CABLES2: variants seen among roughly 807,000 people sequenced by gnomAD.
The protein encoded by CABLES2 is CDK5 and ABL1 enzyme substrate 2.
In CABLES2, 35 loss-of-function variants were observed where a neutral mutation model predicts 44.8. The ratio of observed to expected loss-of-function variants is 0.78; its 90% CI spans 0.60 to 1.04. The LOEUF is 1.04. Among genes scored for constraint, CABLES2 ranks in the 50% least tolerant of loss-of-function variants. The pLI is 0.00. For missense variants in CABLES2, 566 were observed against 615.7 expected (o/e 0.92, Z 0.85); for synonymous variants, 282 against 281.1 (o/e 1.00, Z -0.03).
chr20:62,392,615 A>G (rs1987940201), intron 7 of CABLES2, 120 bp from the exon 8 acceptor site: 1 of 755,608 alleles, frequency 1.3e-6, no homozygotes, highest in Non-Finnish European at 2.3e-6. Flanking sequence ...GTGTGGCTTG[A>G]GAGGCCCCGA....
Position 62,398,331 on chromosome 20 carries a change from C to T in CABLES2, c.363-1739G>A, listed in dbSNP as rs1399384801. On this transcript the variant is annotated intron_variant, in intron 1 of 9. Transcript: ENST00000279101. ...ACGGTGGTGATGGCAGTGGTGGTGA[C>T]GATGGTGGTGATGGTGATGACGGTG... Among the ~76,000 whole-genome samples, 63 of 126,242 alleles carry T rather than the reference C, an allele frequency of 5.0e-4. 1 individual carries two copies. The highest frequency in any genetic ancestry group is 1.3e-3 in the South Asian group (5 of 3,748). 82.8% of individuals were successfully genotyped at this position (126,242 alleles called of 152,430 possible).
At chr20:62,394,602 C>T (rs1447998022) in intron 4 of CABLES2, among the ~76,000 whole-genome samples, 1 of 152,214 alleles carries the variant, frequency 6.6e-6, no homozygotes, top group African/African-American at 2.4e-5. Flanking sequence ...ATCCCCACCC[C>T]ATAGCTGTTT....
Position 62,390,819 on chromosome 20 carries a change from G to T in CABLES2, c.*152C>A. On this transcript the variant is annotated 3_prime_UTR_variant, in exon 10 of 10. Coordinates refer to ENST00000279101, the MANE Select transcript of CABLES2 (RefSeq NM_031215.3). ...CGTCTCTTTCCAAGGAAATGGCAAA[G>T]AGGCAAAAAGGAAAGCTGCACCAGC... 1.2e-6 allele frequency: 1 copy of T among 828,036 alleles called. No homozygotes were observed. Among genetic ancestry groups the T allele is most frequent in the Non-Finnish European group, 1.9e-6 (1 of 532,314 alleles). 51.3% of individuals were successfully genotyped at this position (828,036 alleles called of 1,614,324 possible).
chr20:62,398,049 G>A (rs573073640), intron 1 of CABLES2, among the ~76,000 whole-genome samples: 1,476 of 143,886 alleles, frequency 0.01, 64 homozygotes, highest in African/African-American at 0.034. Flanking sequence ...GGTGATGGTG[G>A]TGATGGCGAT....
At chr20:62,406,098 G>C (rs1988277737) in intron 1 of CABLES2, among the ~76,000 whole-genome samples, 1 of 152,146 alleles carries the variant, frequency 6.6e-6, no homozygotes, top group Non-Finnish European at 1.5e-5. Flanking sequence ...GGGTGTGACA[G>C]ACCCAAAGAT....
Position 62,391,384 on chromosome 20 carries a change from G to C in CABLES2, c.1161C>G (p.Tyr387Ter), listed in dbSNP as rs373616857. Residue 387 changes from tyrosine to a stop codon, truncating the protein, a stop_gained, in exon 9 of 10, where the codon TAC (tyrosine) becomes TAG (stop). Transcript: ENST00000279101. LOFTEE classifies it high-confidence loss of function. This position sits in a 1 kb window ranked among gnomAD's most constrained non-coding sequence, Gnocchi z 5.7. ...SLEPVTVAMA[Y>*]VYFEKLVLQG... is the part of the protein sequence containing the mutation. Reference sequence around the variant, plus strand: ...GCAGGACCAGCTTCTCAAAGTACACGTAGGCCATGGCCACCGTCACGGGCT... The same window carrying C: ...GCAGGACCAGCTTCTCAAAGTACACCTAGGCCATGGCCACCGTCACGGGCT... The C allele has an allele frequency of 6.2e-7, 1 of 1,613,334 alleles. No homozygotes were observed. Among genetic ancestry groups the C allele is most frequent in the Non-Finnish European group, 8.5e-7 (1 of 1,180,044 alleles).
At chr20:62,406,823 G>A (rs1247597348) in intron 1 of CABLES2, 92 bp downstream of exon 1, 4 of 726,552 alleles carry the variant, frequency 5.5e-6, no homozygotes, top group Non-Finnish European at 7.2e-6. Context: ...GAGGCCCCAA[G>A]TAATCCTGAC....
chr20:62,399,947 AAG>A (rs1162121556), intron 1 of CABLES2, among the ~76,000 whole-genome samples: 1 of 152,106 alleles, frequency 6.6e-6, no homozygotes, highest in Non-Finnish European at 1.5e-5. Context: ...GAAAGTGAAA[AAG>A]AACATGGTTG....
intron 1 of CABLES2, among the ~76,000 whole-genome samples, chr20:62,398,085 G>A (rs1288285856): frequency 2.5e-4 from 23 of 91,136 alleles, no homozygotes; most frequent in South Asian, 3.6e-4. Context: ...GGTGGTGGTG[G>A]TGACGGTGGT....
chr20:62,392,387 A>C lies in CABLES2; in HGVS notation c.1091+2T>G. 6.2e-7 allele frequency: 1 copy of C among 1,609,872 alleles called. No individual in the cohort carries two copies. Among genetic ancestry groups the C allele is most frequent in the South Asian group, 1.1e-5 (1 of 90,982 alleles). On this transcript the variant is annotated splice_donor_variant, in intron 8 of 9. Coordinates refer to ENST00000279101, the MANE Select transcript of CABLES2 (RefSeq NM_031215.3). LOFTEE classifies it high-confidence loss of function. ...TGAGATGGTCTGAGAGGGTGTCCTC[A>C]CCTCCTGATTTTGCTCAGCGTCAGT...
chr20:62,394,269 C>A lies in CABLES2; in HGVS notation c.606-4G>T, dbSNP rs768065458. On this transcript the variant is annotated splice_region_variant and splice_polypyrimidine_tract_variant and intron_variant, in intron 4 of 9. Coordinates refer to ENST00000279101, the MANE Select transcript of CABLES2 (RefSeq NM_031215.3). ...CTGGCTGTCCACCCTCAGGTCACTG[C>A]AAACATGGGAGAGGCAAGGGGCTGT... is the stretch of plus-strand genomic sequence containing the variant. 5 of 1,612,274 alleles carry A rather than the reference C, an allele frequency of 3.1e-6. No individual in the cohort carries two copies. Among genetic ancestry groups the A allele is most frequent in the Non-Finnish European group, 4.2e-6 (5 of 1,179,274 alleles).
chr20:62,393,054 G>C (rs1392401524), intron 6 of CABLES2, 31 bp from the exon 7 acceptor site: 6 of 1,588,004 alleles, frequency 3.8e-6, no homozygotes, highest in Non-Finnish European at 5.2e-6. Flanking sequence ...GACCCACCAG[G>C]AGTCTTGAGC....
In CABLES2 at chr20:62,407,232, G is replaced by A. The variant is rs1049041557; in HGVS notation, c.45C>T (p.Gly15=). The A allele has an allele frequency of 1.3e-4, 107 of 850,050 alleles. No individual in the cohort carries two copies. Among genetic ancestry groups the A allele is most frequent in the Non-Finnish European group, 1.5e-4 (105 of 709,858 alleles). 52.7% of individuals were successfully genotyped at this position (850,050 alleles called of 1,614,324 possible). A position where few individuals can be genotyped will look rare whatever the true frequency, so the allele number is the denominator to read the frequency against. Residue 15 remains glycine, a synonymous_variant, in exon 1 of 10, where the codon GGC becomes GGT. Transcript: ENST00000279101. The stretch of plus-strand genomic sequence containing the variant: ...CGGCGGGTGGCGGGGGCCCGGCGGG[G>A]CCGGGGGCCGGGCCCGGGGCTCCAC... ...AAGGAPGPAP[G]PAGPPPPAAP... is the part of the protein sequence containing the mutation.
chr20:62,393,105 G>T, intron 6 of CABLES2, 82 bp from the exon 7 acceptor site: 1 of 1,236,044 alleles, frequency 8.1e-7, no homozygotes, highest in Non-Finnish European at 1.2e-6. Context: ...CCAGCGCCAT[G>T]GCGGGGCAAG....
chr20:62,393,100 G>T, intron 6 of CABLES2, 77 bp from the exon 7 acceptor site: 2 of 1,342,774 alleles, frequency 1.5e-6, no homozygotes, highest in South Asian at 1.2e-5. Flanking sequence ...GCAGGCCAGC[G>T]CCATGGCGGG....
chr20:62,400,056 G>C (rs1988160546), intron 1 of CABLES2, among the ~76,000 whole-genome samples: 1 of 152,240 alleles, frequency 6.6e-6, no homozygotes, highest in South Asian at 2.1e-4. Context: ...AACAAGCTAG[G>C]ATTGAAAGCA....
intron 1 of CABLES2, among the ~76,000 whole-genome samples, chr20:62,401,875 G>A (rs910967698): frequency 1.8e-4 from 27 of 152,344 alleles, no homozygotes; most frequent in Admixed American, 3.3e-4. Flanking sequence ...CATCCTGCGT[G>A]CACCAGACCC....
At chr20:62,398,134 T>TGGTGGTGGTGGTGGTGGTGGTGAC (rs1569017708) in intron 1 of CABLES2, among the ~76,000 whole-genome samples, 3 of 123,270 alleles carry the variant, frequency 2.4e-5, no homozygotes, top group Non-Finnish European at 5.0e-5. Flanking sequence ...GTTATGACGG[T>TGGTGGTGGTGGTGGTGGTGGTGAC]GGTGATGGTG....
At chr20:62,398,071 C>CGGTGGTGGTGAA in intron 1 of CABLES2, among the ~76,000 whole-genome samples, 1 of 68,234 alleles carries the variant, frequency 1.5e-5, no homozygotes, top group Non-Finnish European at 2.7e-5. Flanking sequence ...GTGGTGGTGA[C>CGGTGGTGGTGAA]GGTGGTGGTG....
Sources: allele counts gnomAD v4.1 joint callset (sites outside exome capture counted in the v4.1 genomes callset), GRCh38; gene constraint gnomAD v4.1.1; non-coding constraint Gnocchi (gnomAD v3.1); transcripts MANE v1.5; gene names NCBI Gene and HGNC (gene_info 2026-07-23, HGNC 2026-07-21).